The following ARHGAP29 variants were observed in gnomAD, a reference collection of about 807,000 sequenced individuals.
ARHGAP29 encodes the protein Rho GTPase activating protein 29.
ARHGAP29 carries 43 observed loss-of-function variants against 122.6 expected under a neutral mutation model. The observed-to-expected ratio is 0.35, with a 90% CI of 0.27 to 0.45. ARHGAP29 has a LOEUF of 0.45. Ranked by LOEUF, ARHGAP29 falls within the 20% of genes least tolerant of loss-of-function variation. ARHGAP29 has a pLI of 1.00. For synonymous variants in ARHGAP29, 506 were observed against 497.1 expected (o/e 1.02, Z -0.24); for missense variants, 1,303 against 1,477.2 (o/e 0.88, Z 1.93).
intron 1 of ARHGAP29, among the ~76,000 whole-genome samples, chr1:94,232,460 C>T (rs1199361882): frequency 6.6e-6 from 1 of 152,162 alleles, no homozygotes; most frequent in Non-Finnish European, 1.5e-5. Context: ...ATCTGACATA[C>T]TCTGACTGGT....
At chr1:94,314,437 C>T in the ARHGAP29 span, among the ~76,000 whole-genome samples, 8 of 152,180 alleles carry the variant, frequency 5.3e-5, no homozygotes, top group African/African-American at 1.7e-4. Flanking sequence ...CTGAAGTCAT[C>T]AGTAGCTCCC....
At chr1:94,182,333 G>C (rs944736275) in intron 19 of ARHGAP29, among the ~76,000 whole-genome samples, 1 of 152,042 alleles carries the variant, frequency 6.6e-6, no homozygotes, top group African/African-American at 2.4e-5. Context: ...ACCTGTCCAG[G>C]TTGTCAAGTA....
chr1:94,224,755 T>G (rs1359414620), intron 2 of ARHGAP29, among the ~76,000 whole-genome samples: 1 of 152,152 alleles, frequency 6.6e-6, no homozygotes, highest in African/African-American at 2.4e-5. Flanking sequence ...AAAAAATCAC[T>G]GCAACTGCAA....
chr1:94,237,395 C>G lies in ARHGAP29; in HGVS notation c.-33+20G>C, dbSNP rs1653347279. The G allele has an allele frequency of 1.0e-6, 1 of 985,282 alleles. No individual in the cohort carries two copies. Among genetic ancestry groups the G allele is most frequent in the Non-Finnish European group, 1.2e-6 (1 of 829,758 alleles). 61.0% of individuals were successfully genotyped at this position (985,282 alleles called of 1,614,324 possible). The stretch of plus-strand genomic sequence containing the variant: ...CCACGACCGCCGCGGCCGGAGCAAG[C>G]GCCACCTCCTCACACTCACCACGGC... On this transcript the variant is annotated intron_variant, in intron 1 of 22. Coordinates refer to ENST00000260526, the MANE Select transcript of ARHGAP29 (RefSeq NM_004815.4).
Position 94,174,581 on chromosome 1 carries a change from A to C in ARHGAP29, c.3074T>G (p.Leu1025Arg). 1 of 1,614,216 alleles carries C rather than the reference A, an allele frequency of 6.2e-7. No individual in the cohort carries two copies. The highest frequency in any genetic ancestry group is 8.5e-7 in the Non-Finnish European group (1 of 1,180,036). ...CTCATTAGGAGGACTTGCAAGAAGTAGTCTATCTACAGGCAAACTTACAGG... is the reference window on the plus strand; with the variant it reads ...CTCATTAGGAGGACTTGCAAGAAGTCGTCTATCTACAGGCAAACTTACAGG... Reference protein sequence around the residue: ...IRPVSLPVDRLLLASPPNERN... With the variant: ...IRPVSLPVDRRLLASPPNERN... Residue 1025 changes from leucine to arginine, a missense_variant, in exon 23 of 23, where the codon CTA becomes CGA. Coordinates refer to ENST00000260526, the MANE Select transcript of ARHGAP29 (RefSeq NM_004815.4).
intron 1 of ARHGAP29, among the ~76,000 whole-genome samples, chr1:94,260,356 G>T (rs967190783): frequency 2.0e-5 from 3 of 152,110 alleles, no homozygotes; most frequent in African/African-American, 7.2e-5. Context: ...AAATCTGATG[G>T]ACTCTCTGCA....
intron 2 of ARHGAP29, among the ~76,000 whole-genome samples, chr1:94,226,610 A>C (rs1475142269): frequency 2.0e-5 from 3 of 151,944 alleles, no homozygotes; most frequent in African/African-American, 7.2e-5. Context: ...TTTAATTTCC[A>C]ATGAATATGC....
At chr1:94,248,932 T>C (rs2100691751) in intron 1 of ARHGAP29, among the ~76,000 whole-genome samples, 1 of 152,342 alleles carries the variant, frequency 6.6e-6, no homozygotes, top group Non-Finnish European at 1.5e-5. Flanking sequence ...CAGGCTGGTC[T>C]CAAACTCCTG....
In ARHGAP29 at chr1:94,185,411, T is replaced by C; in HGVS notation, c.1851A>G (p.Lys617=). 6.2e-7 allele frequency: 1 copy of C among 1,612,476 alleles called. No homozygotes were observed. The highest frequency in any genetic ancestry group is 1.1e-5 in the South Asian group (1 of 90,790). ...CCCTACATTTCGTGGGGGATCTCAA[T>C]TTGCGAAACTTGTGTGTGAGAGCTG... The part of the protein sequence containing the change: ...SKAALTHKFR[K]LRSPTKCRDC... The change falls in exon 17 of 23, where the codon AAA becomes AAG. Residue 617 remains lysine, a synonymous_variant. Coordinates refer to ENST00000260526, the MANE Select transcript of ARHGAP29 (RefSeq NM_004815.4).
the ARHGAP29 span, among the ~76,000 whole-genome samples, chr1:94,282,557 T>C: frequency 3.5e-4 from 54 of 152,232 alleles, no homozygotes; most frequent in East Asian, 0.01. Context: ...ATTACAGGCA[T>C]GAGCCACATT....
At position 94,258,277 on chromosome 1, in the gene ARHGAP29, C is replaced by T. The variant is rs530653883; in HGVS notation, c.-33+16735G>A. ...AATTTGTACATTACAGTAAATGTGC[C>T]CTCTAGTCATAGGAGAACTTATGCT... On this transcript the variant is annotated intron_variant and NMD_transcript_variant, in intron 1 of 25. Coordinates refer to the ARHGAP29 transcript ENST00000552844. Among the ~76,000 whole-genome samples, 317 of 152,272 alleles carry T rather than the reference C, an allele frequency of 2.1e-3. 11 individuals carry two copies. The highest frequency in any genetic ancestry group is 1.8e-3 in the Admixed American group (28 of 15,288).
At position 94,184,043 on chromosome 1, in the gene ARHGAP29, C is replaced by T. The variant is rs191374584; in HGVS notation, c.2247+108G>A. ...CTAATCATTAGCAAGATACCTATAC[C>T]GTCTATGCCAATGAAAAAACATGTG... On this transcript the variant is annotated intron_variant, in intron 19 of 22. Coordinates refer to ENST00000260526, the MANE Select transcript of ARHGAP29 (RefSeq NM_004815.4). The T allele has an allele frequency of 2.2e-4, 263 of 1,188,196 alleles. 2 individuals are homozygous for T. Among genetic ancestry groups the T allele is most frequent in the African/African-American group, 2.9e-4 (19 of 64,640 alleles). The allele number at this position is 1,188,196 out of a possible 1,614,324, so 73.6% of individuals were successfully genotyped here.
rs1293835571 is a variant in ARHGAP29 at position 94,177,687 on chromosome 1, A to C, written c.2830T>G (p.Phe944Val). 8 of 1,613,152 alleles carry C rather than the reference A, an allele frequency of 5.0e-6. No homozygotes were observed. Among genetic ancestry groups the C allele is most frequent in the Non-Finnish European group, 6.8e-6 (8 of 1,179,820 alleles). ...IHTSESESKI[F>V]ERATSFEESE... The stretch of plus-strand genomic sequence containing the variant: ...TCCTCAAATGATGTAGCTCGTTCAA[A>C]AATTTTGCTTTCACTCTCTGAAGTA... Residue 944 changes from phenylalanine to valine, a missense_variant, in exon 22 of 23, where the codon TTT becomes GTT. Transcript: ENST00000260526.
chr1:94,266,453 G>C (rs1654774527), intron 1 of ARHGAP29, among the ~76,000 whole-genome samples: 1 of 152,150 alleles, frequency 6.6e-6, no homozygotes, highest in Non-Finnish European at 1.5e-5. Flanking sequence ...TCCTGATAGG[G>C]ACTAATTTTT....
chr1:94,308,401 A>G, the ARHGAP29 span, among the ~76,000 whole-genome samples: 6 of 152,140 alleles, frequency 3.9e-5, no homozygotes, highest in Non-Finnish European at 8.8e-5. Context: ...TAGGTCATGC[A>G]GTCTCTGATT....
At chr1:94,190,351 C>T (rs980171398) in intron 12 of ARHGAP29, 1 of 296,090 alleles carries the variant, frequency 3.4e-6, no homozygotes, top group East Asian at 6.5e-5. Flanking sequence ...AAACTCCATG[C>T]CCCAGCTGGT....
chr1:94,217,427 G>A (rs1192457484), intron 3 of ARHGAP29, among the ~76,000 whole-genome samples: 1 of 151,802 alleles, frequency 6.6e-6, no homozygotes. Context: ...CTAGCTACTT[G>A]GGAGGCAGAG....
chr1:94,206,699 C>A (rs1434460012), intron 5 of ARHGAP29, among the ~76,000 whole-genome samples: 2 of 151,916 alleles, frequency 1.3e-5, no homozygotes, highest in Non-Finnish European at 2.9e-5. Flanking sequence ...GAGCTCGAGG[C>A]CAGCCTGACC....
chr1:94,300,060 C>T, the ARHGAP29 span, among the ~76,000 whole-genome samples: 2 of 152,302 alleles, frequency 1.3e-5, no homozygotes, highest in South Asian at 2.1e-4. Flanking sequence ...GCAGCAGATT[C>T]CCTAAGGGAA....
Sources: allele counts gnomAD v4.1 joint callset (sites outside exome capture counted in the v4.1 genomes callset), GRCh38; gene constraint gnomAD v4.1.1; transcripts MANE v1.5; gene names NCBI Gene and HGNC (gene_info 2026-07-23, HGNC 2026-07-21).